OXR1: variants seen among roughly 807,000 people sequenced by gnomAD.
OXR1 encodes the protein oxidation resistance protein 1.
In OXR1, 41 loss-of-function variants were observed where a neutral mutation model predicts 104.6. That is an observed-to-expected ratio of 0.39 (90% CI 0.31 to 0.51). The LOEUF is 0.51. Ranked by LOEUF, OXR1 falls within the 20% of genes least tolerant of loss-of-function variation. The pLI is 0.77. For missense variants in OXR1, 955 were observed against 1,031.9 expected, an observed-to-expected ratio of 0.93 and a Z score of 1.02; for synonymous variants, 348 against 348.4, an observed-to-expected ratio of 1.00 and a Z score of 0.01.
chr8:106,711,740 C>T (rs998071840), intron 10 of OXR1, among the ~76,000 whole-genome samples: 2 of 151,998 alleles, frequency 1.3e-5, no homozygotes, highest in Non-Finnish European at 2.9e-5. Flanking sequence ...ACCTCCTTTC[C>T]TACAAAGGAT....
chr8:106,646,116 CT>C (rs1431884328), intron 3 of OXR1, among the ~76,000 whole-genome samples: 4 of 145,410 alleles, frequency 2.8e-5, no homozygotes, highest in Non-Finnish European at 6.1e-5. Context: ...TTTTTTTTTT[CT>C]TTTTTTGAGA....
At chr8:106,373,897 CTTTTT>C (rs1816806495) in intron 2 of OXR1, among the ~76,000 whole-genome samples, 1 of 152,094 alleles carries the variant, frequency 6.6e-6, no homozygotes, top group African/African-American at 2.4e-5. Flanking sequence ...GCCCTGATGT[CTTTTT>C]TAAAAATCAG....
Position 106,578,993 on chromosome 8 carries a change from T to TTTC in OXR1, c.220+59856_220+59857insCTT, listed in dbSNP as rs1341568658. Among the ~76,000 whole-genome samples the TTTC allele has an allele frequency of 9.7e-4, 147 of 150,784 alleles. 1 individual carries two copies. Among genetic ancestry groups the TTTC allele is most frequent in the Non-Finnish European group, 1.6e-3 (106 of 67,680 alleles). On this transcript the variant is annotated intron_variant, in intron 3 of 16. Coordinates refer to ENST00000517566, the MANE Select transcript of OXR1 (RefSeq NM_001198533.2). ...GTAACCTCACTTTTTCTTTCTTTTT[T>TTTC]TTTTTTTTTGCCTAGTATGAAAATA... is the stretch of plus-strand genomic sequence containing the variant.
At position 106,330,760 on chromosome 8, in the gene OXR1, T is replaced by C. The variant is rs551561119; in HGVS notation, c.-138-28716T>C. 4.6e-5 allele frequency among the ~76,000 whole-genome samples: 7 copies of C among 152,322 alleles called. No homozygotes were observed. In the South Asian group the frequency reaches 1.5e-3, roughly 32 times the overall value. The stretch of plus-strand genomic sequence containing the variant: ...AGGGTATTGGGCTCTGCCATCAAAG[T>C]GTGAAGAACTACTGGCCCTTTCATT... On this transcript the variant is annotated intron_variant, in intron 1 of 16. Transcript: ENST00000517566.
intron 1 of OXR1, among the ~76,000 whole-genome samples, chr8:106,343,451 A>G (rs905556): frequency 0.22 from 33,279 of 152,182 alleles, 6,724 homozygotes; most frequent in African/African-American, 0.53. Flanking sequence ...TCTGCTTTCC[A>G]TTGTGTTGGT....
At chr8:106,291,243 C>G (rs1194614212) in intron 1 of OXR1, among the ~76,000 whole-genome samples, 1 of 152,092 alleles carries the variant, frequency 6.6e-6, no homozygotes, top group Non-Finnish European at 1.5e-5. Context: ...ATTGAGAACA[C>G]ATGAACCTAA....
At chr8:106,620,072 G>C (rs1415259522) in intron 3 of OXR1, among the ~76,000 whole-genome samples, 3 of 152,034 alleles carry the variant, frequency 2.0e-5, no homozygotes, top group Non-Finnish European at 4.4e-5. Flanking sequence ...TTCATATATA[G>C]CACTTAAACC....
chr8:106,379,537 C>CTTTTT (rs60855438), intron 2 of OXR1, among the ~76,000 whole-genome samples: 1,207 of 108,238 alleles, frequency 0.011, 3 homozygotes, highest in Middle Eastern at 0.016. Flanking sequence ...TTCTTTCTTT[C>CTTTTT]TTTTTTTTTT....
chr8:106,338,802 T>C (rs372859748), intron 1 of OXR1, among the ~76,000 whole-genome samples: 1 of 152,102 alleles, frequency 6.6e-6, no homozygotes, highest in East Asian at 1.9e-4. Context: ...TGTAATTCTC[T>C]AAAACATATT....
chr8:106,316,738 A>G (rs976233112), intron 1 of OXR1, among the ~76,000 whole-genome samples: 17 of 129,082 alleles, frequency 1.3e-4, no homozygotes, highest in African/African-American at 4.9e-4. Context: ...CTATCTATCT[A>G]TCTATCTATC....
At chr8:106,387,608 C>T (rs931662803) in intron 2 of OXR1, among the ~76,000 whole-genome samples, 16 of 152,126 alleles carry the variant, frequency 1.1e-4, no homozygotes, top group South Asian at 4.1e-4. Context: ...GCAAGGGTCA[C>T]GGCAGAGCTC....
At chr8:106,293,277 G>A (rs1486173382) in intron 1 of OXR1, among the ~76,000 whole-genome samples, 2 of 152,282 alleles carry the variant, frequency 1.3e-5, no homozygotes, top group African/African-American at 2.4e-5. Context: ...AAGGAAGGAA[G>A]TACATTGATT....
chr8:106,563,360 G>A (rs1460772858), intron 3 of OXR1, among the ~76,000 whole-genome samples: 1 of 150,802 alleles, frequency 6.6e-6, no homozygotes, highest in Non-Finnish European at 1.5e-5. Context: ...GTAAAACAGA[G>A]TTTAAACCAA....
chr8:106,559,586 T>C (rs568515588), intron 3 of OXR1, among the ~76,000 whole-genome samples: 1 of 152,198 alleles, frequency 6.6e-6, no homozygotes, highest in Non-Finnish European at 1.5e-5. Flanking sequence ...TGTAAAACCA[T>C]AGACTATAAG....
intron 2 of OXR1, among the ~76,000 whole-genome samples, chr8:106,372,121 A>G (rs1364571683): frequency 1.3e-5 from 2 of 152,230 alleles, no homozygotes; most frequent in East Asian, 1.9e-4. Flanking sequence ...TGCCTGTTCC[A>G]GGGTTGGAAC....
chr8:106,427,257 C>T (rs1204707715), intron 2 of OXR1, among the ~76,000 whole-genome samples: 1 of 152,092 alleles, frequency 6.6e-6, no homozygotes, highest in East Asian at 1.9e-4. Flanking sequence ...CTGCAAGCCT[C>T]CCAGGTTCAT....
chr8:106,511,828 G>A (rs1398570758), intron 2 of OXR1, among the ~76,000 whole-genome samples: 1 of 152,070 alleles, frequency 6.6e-6, no homozygotes, highest in Admixed American at 6.6e-5. Context: ...TGTGGCCTTT[G>A]GTTCAAAATG....
intron 3 of OXR1, among the ~76,000 whole-genome samples, chr8:106,529,956 T>A (rs1813971228): frequency 6.6e-6 from 1 of 152,202 alleles, no homozygotes; most frequent in South Asian, 2.1e-4. Flanking sequence ...TAAATCACTA[T>A]TAAAATTAGT....
chr8:106,704,393 C>CTTCTTTTTTTTTTTTT (rs1830917410), intron 8 of OXR1, among the ~76,000 whole-genome samples: 1 of 47,888 alleles, frequency 2.1e-5, no homozygotes, highest in Admixed American at 3.2e-4. Flanking sequence ...CTTTCTTCTT[C>CTTCTTTTTTTTTTTTT]TTTTTTTTTT....
Sources: allele counts gnomAD v4.1 joint callset (sites outside exome capture counted in the v4.1 genomes callset), GRCh38; gene constraint gnomAD v4.1.1; transcripts MANE v1.5; gene names NCBI Gene and HGNC (gene_info 2026-07-23, HGNC 2026-07-21).